CELSR1: variants seen among roughly 807,000 people sequenced by gnomAD.
CELSR1 encodes the protein adhesion G protein-coupled receptor C1.
CELSR1 carries 110 observed loss-of-function variants against 249.1 expected under a neutral mutation model. The ratio of observed to expected loss-of-function variants is 0.44; its 90% CI spans 0.38 to 0.52. The LOEUF is 0.52. CELSR1 is among the 20% of genes least tolerant of loss of function. The pLI is 0.00. For missense variants in CELSR1, 4,109 were observed against 4,296.4 expected, an observed-to-expected ratio of 0.96 and a Z score of 1.22; for synonymous variants, 2,113 against 1,900.0, an observed-to-expected ratio of 1.11 and a Z score of -2.92.
chr22:46,441,625 C>T lies in CELSR1; in HGVS notation c.4184-2214G>A, dbSNP rs537036087. ...TAGCTAGCAGACGGTGCCTTCTTGC[C>T]GCATAAGGGAGAGGGCTGTGGTCTC... On this transcript the variant is annotated intron_variant, in intron 2 of 34. Coordinates refer to ENST00000674500, the MANE Select transcript of CELSR1 (RefSeq NM_001378328.1). This position sits in a 1 kb window ranked among gnomAD's most constrained non-coding sequence, Gnocchi z 6.1. 3.5e-4 allele frequency among the ~76,000 whole-genome samples: 54 copies of T among 152,176 alleles called. 1 individual carries two copies. In the South Asian group the frequency reaches 1.0e-2, roughly 28 times the overall value.
intron 1 of CELSR1, among the ~76,000 whole-genome samples, chr22:46,516,828 G>A (rs1032288960): frequency 2.6e-5 from 4 of 152,210 alleles, no homozygotes; most frequent in Non-Finnish European, 5.9e-5. Flanking sequence ...AGGAAGCTGC[G>A]GGGTGGGGAC....
In CELSR1 at chr22:46,381,821, C is replaced by T. The variant is rs573030909; in HGVS notation, c.7088+25G>A. On this transcript the variant is annotated intron_variant, in intron 21 of 34. Coordinates refer to ENST00000674500, the MANE Select transcript of CELSR1 (RefSeq NM_001378328.1). This position sits in a 1 kb window ranked among gnomAD's most constrained non-coding sequence, Gnocchi z 6.0. ...AGGAGCCTCCAGAACGGGCCCTCCC[C>T]GTGTGCCCCGTGCCCAGGCCTTACC... 1.4e-5 allele frequency: 21 copies of T among 1,536,128 alleles called. No homozygotes were observed. The highest frequency in any genetic ancestry group is 5.9e-5 in the Admixed American group (3 of 50,982).
In CELSR1 at chr22:46,362,117, G is replaced by C. The variant is rs560934536; in HGVS notation, c.*1106C>G. On this transcript the variant is annotated 3_prime_UTR_variant, in exon 35 of 35. Transcript: ENST00000674500. The stretch of plus-strand genomic sequence containing the variant: ...CAGGAGGTATGTAACGGCCTGGAAG[G>C]CCCCACACCTCTGTCCAAATCAGGA... 6.6e-6 allele frequency: 1 copy of C among 152,272 alleles called. No individual in the cohort carries two copies. The highest frequency in any genetic ancestry group is 1.9e-4 in the East Asian group (1 of 5,198). 9.4% of individuals were successfully genotyped at this position (152,272 alleles called of 1,614,324 possible). A position where few individuals can be genotyped will look rare whatever the true frequency, so the allele number is the denominator to read the frequency against.
In CELSR1 at chr22:46,412,469, C is replaced by G. The variant is rs942799339; in HGVS notation, c.4612-710G>C. 6.6e-6 allele frequency among the ~76,000 whole-genome samples: 1 copy of G among 152,150 alleles called. No individual in the cohort carries two copies. Among genetic ancestry groups the G allele is most frequent in the Non-Finnish European group, 1.5e-5 (1 of 68,018 alleles). ...GTACAGACACCAGGAGGCCACTGCC[C>G]GGCCTGCAGACGGCCCCACATCTCC... On this transcript the variant is annotated intron_variant, in intron 5 of 34. Coordinates refer to ENST00000674500, the MANE Select transcript of CELSR1 (RefSeq NM_001378328.1). The surrounding 1 kb of genome is among the most constrained non-coding windows in gnomAD (Gnocchi z 4.5).
intron 1 of CELSR1, among the ~76,000 whole-genome samples, chr22:46,507,709 G>A (rs1466477090): frequency 2.6e-5 from 4 of 152,134 alleles, no homozygotes; most frequent in African/African-American, 7.2e-5. Flanking sequence ...GAAACTTGCT[G>A]GCTGTGCCGC....
rs1427028873 is a variant in CELSR1, at chr22:46,536,776, C to T, written c.395G>A (p.Cys132Tyr). The part of the protein sequence containing the change: ...GTGARLCGAL[C>Y]FPVPGGCAAA... ...CGCGCAGCCGCCGGGGACGGGGAAGCAGAGCGCCCCGCAGAGCCGGGCACC... is the reference window on the plus strand; with the variant it reads ...CGCGCAGCCGCCGGGGACGGGGAAGTAGAGCGCCCCGCAGAGCCGGGCACC... The change falls in exon 1 of 35, where the codon TGC (cysteine) becomes TAC (tyrosine). Residue 132 changes from cysteine to tyrosine, a missense_variant. Physicochemically the swap from Cys to Tyr is radical, Grantham distance 194. Coordinates refer to ENST00000674500, the MANE Select transcript of CELSR1 (RefSeq NM_001378328.1). 1 of 1,185,630 alleles carries T rather than the reference C, an allele frequency of 8.4e-7. No individual in the cohort carries two copies. Among genetic ancestry groups the T allele is most frequent in the Non-Finnish European group, 1.0e-6 (1 of 960,014 alleles). The allele number at this position is 1,185,630 out of a possible 1,614,324, so 73.4% of individuals were successfully genotyped here. A position where few individuals can be genotyped will look rare whatever the true frequency, so the allele number is the denominator to read the frequency against.
chr22:46,467,886 T>C (rs1569185350), intron 1 of CELSR1, among the ~76,000 whole-genome samples: 1 of 151,974 alleles, frequency 6.6e-6, no homozygotes. Context: ...TGTAAAAGGA[T>C]GGGGTGGCAG....
chr22:46,453,575 G>A (rs570169542), intron 2 of CELSR1, among the ~76,000 whole-genome samples: 1 of 152,262 alleles, frequency 6.6e-6, no homozygotes, highest in Admixed American at 6.5e-5. Context: ...GATTAACCTG[G>A]CCCCTGGCCC....
chr22:46,534,702 G>A lies in CELSR1; in HGVS notation c.2469C>T (p.Arg823=), dbSNP rs746529882. The A allele has an allele frequency of 6.2e-7, 1 of 1,613,556 alleles. No individual in the cohort carries two copies. The highest frequency in any genetic ancestry group is 1.7e-5 in the Admixed American group (1 of 60,034). Residue 823 remains arginine (R), a synonymous_variant, in exon 1 of 35, where the codon CGC becomes CGT. Coordinates refer to ENST00000674500, the MANE Select transcript of CELSR1 (RefSeq NM_001378328.1). The surrounding 1 kb of genome is among the most constrained non-coding windows in gnomAD (Gnocchi z 9.7). ...ANDEDTGENA[R]ITYVIQDPVP... is the part of the protein sequence containing the mutation. ...CGGGGTCCTGAATCACGTAGGTGAT[G>A]CGGGCATTCTCTCCTGTGTCCTCAT...
intron 2 of CELSR1, among the ~76,000 whole-genome samples, chr22:46,458,090 G>T (rs2079978016): frequency 6.7e-6 from 1 of 149,552 alleles, no homozygotes; most frequent in African/African-American, 2.4e-5. Flanking sequence ...CACCATGGGG[G>T]TGAGGGCTGC....
chr22:46,390,674 C>A lies in CELSR1; in HGVS notation c.6251-188G>T, dbSNP rs1440826929. The stretch of plus-strand genomic sequence containing the variant: ...AGGGCCACGGCCGAAGCTGCTCTGA[C>A]ACTGACAACCAGGCGTTTCGGGAGC... On this transcript the variant is annotated intron_variant, in intron 16 of 34. Transcript: ENST00000674500. This position sits in a 1 kb window ranked among gnomAD's most constrained non-coding sequence, Gnocchi z 6.3. Among the ~76,000 whole-genome samples, 1 of 152,202 alleles carries A rather than the reference C, an allele frequency of 6.6e-6. No homozygotes were observed. The highest frequency in any genetic ancestry group is 1.5e-5 in the Non-Finnish European group (1 of 68,038).
chr22:46,416,865 C>T (rs1439302650), intron 5 of CELSR1, among the ~76,000 whole-genome samples: 5 of 151,850 alleles, frequency 3.3e-5, no homozygotes, highest in Non-Finnish European at 5.9e-5. Flanking sequence ...TTGGTCCTTA[C>T]GAAGTGCTCA....
At position 46,454,053 on chromosome 22, in the gene CELSR1, T is replaced by C. The variant is rs971718725; in HGVS notation, c.4183+9654A>G. Among the ~76,000 whole-genome samples, 2 of 152,194 alleles carry C rather than the reference T, an allele frequency of 1.3e-5. No homozygotes were observed. The highest frequency in any genetic ancestry group is 2.9e-5 in the Non-Finnish European group (2 of 68,028). On this transcript the variant is annotated intron_variant, in intron 2 of 34. Transcript: ENST00000674500. The surrounding 1 kb of genome is among the most constrained non-coding windows in gnomAD (Gnocchi z 5.1). The stretch of plus-strand genomic sequence containing the variant: ...AGACGGGGCAGTCATCCTGCATTAC[T>C]GTGTGGCCCCAAAGTCATCACAAGG...
At chr22:46,415,565 T>C (rs6008811) in intron 5 of CELSR1, among the ~76,000 whole-genome samples, 3 of 151,818 alleles carry the variant, frequency 2.0e-5, no homozygotes, top group African/African-American at 4.8e-5. Context: ...CTGAATATAC[T>C]AGAAGCCCCT....
At position 46,402,009 on chromosome 22, in the gene CELSR1, A is replaced by G; in HGVS notation, c.5227-2107T>C. ...AGGCTGAGACAGGAGAATTGCTTGA[A>G]CTCGGGAGGCGGAGGTAGCAGTGAA... On this transcript the variant is annotated intron_variant, in intron 9 of 34. Transcript: ENST00000674500. This position sits in a 1 kb window ranked among gnomAD's most constrained non-coding sequence, Gnocchi z 5.0. Among the ~76,000 whole-genome samples, 1 of 151,598 alleles carries G rather than the reference A, an allele frequency of 6.6e-6. No individual in the cohort carries two copies. Among genetic ancestry groups the G allele is most frequent in the African/African-American group, 2.4e-5 (1 of 41,308 alleles).
chr22:46,503,447 G>A (rs548993082), intron 1 of CELSR1, among the ~76,000 whole-genome samples: 1 of 152,152 alleles, frequency 6.6e-6, no homozygotes, highest in Non-Finnish European at 1.5e-5. Context: ...CACAGGGGAG[G>A]CCCCTACAGC....
rs78089607 is a variant in CELSR1 at position 46,508,191 on chromosome 22, C to G, written c.3544+25436G>C. Among the ~76,000 whole-genome samples, 6 of 152,224 alleles carry G rather than the reference C, an allele frequency of 3.9e-5. No homozygotes were observed. In the East Asian group the frequency reaches 1.2e-3, roughly 29 times the overall value. On this transcript the variant is annotated intron_variant, in intron 1 of 34. Transcript: ENST00000674500. ...ACCAGCTGACCCCCTCCCACCCACT[C>G]TCGCCACTCTCGCCCTGCCCTGGCC...
Position 46,436,147 on chromosome 22 carries a change from C to G in CELSR1, c.4522+27G>C. On this transcript the variant is annotated intron_variant, in intron 4 of 34. Transcript: ENST00000674500. The surrounding 1 kb of genome is among the most constrained non-coding windows in gnomAD (Gnocchi z 5.9). Reference sequence around the variant, plus strand: ...CAAAGTATCTGTGAATTGCTCAGAGCTGCCCTTCCTGGGGAGAAGGCCCCA... The same window carrying G: ...CAAAGTATCTGTGAATTGCTCAGAGGTGCCCTTCCTGGGGAGAAGGCCCCA... The G allele has an allele frequency of 1.3e-6, 2 of 1,572,262 alleles. No homozygotes were observed. The highest frequency in any genetic ancestry group is 1.8e-6 in the Non-Finnish European group (2 of 1,142,500).
Position 46,364,498 on chromosome 22 carries a change from G to C in CELSR1, c.8779+14C>G. 6.2e-7 allele frequency: 1 copy of C among 1,601,998 alleles called. No individual in the cohort carries two copies. Among genetic ancestry groups the C allele is most frequent in the Non-Finnish European group, 8.5e-7 (1 of 1,173,670 alleles). The stretch of plus-strand genomic sequence containing the variant: ...CCTCCAGCCTTTCACTGCAGCCCCG[G>C]CCTCCCCAGGCACCTTTCCTCTGCT... On this transcript the variant is annotated intron_variant, in intron 33 of 34. Transcript: ENST00000674500.
Sources: allele counts gnomAD v4.1 joint callset (sites outside exome capture counted in the v4.1 genomes callset), GRCh38; gene constraint gnomAD v4.1.1; non-coding constraint Gnocchi (gnomAD v3.1); transcripts MANE v1.5; gene names NCBI Gene and HGNC (gene_info 2026-07-23, HGNC 2026-07-21).